The following ARHGEF4 variants were observed in gnomAD, a reference collection of about 807,000 sequenced individuals.
The protein encoded by ARHGEF4 is APC-stimulated guanine nucleotide exchange factor 1.
In ARHGEF4, 119 loss-of-function variants were observed where a neutral mutation model predicts 162.0. That is an observed-to-expected ratio of 0.73 (90% CI 0.63 to 0.86). The LOEUF is 0.86. Ranked by LOEUF, ARHGEF4 falls within the 40% of genes least tolerant of loss-of-function variation. ARHGEF4 has a pLI of 0.00. For missense variants in ARHGEF4, 2,488 were observed against 2,456.0 expected (o/e 1.01, Z -0.28); for synonymous variants, 1,014 against 979.9 (o/e 1.03, Z -0.65).
Position 130,914,645 on chromosome 2 carries a change from G to A in ARHGEF4, c.699G>A (p.Trp233Ter). Residue 233 changes from tryptophan (W) to a stop codon, truncating the protein, a stop_gained, in exon 2 of 14, where the codon TGG (tryptophan) becomes TGA (stop). Coordinates refer to ENST00000409359, the MANE Select transcript of ARHGEF4 (RefSeq NM_001367493.1). LOFTEE classifies it high-confidence loss of function. The part of the protein sequence containing the change: ...GIPVVWPFLL[W>*]CCELGRSWPH... ...CAGTGGTCTGGCCCTTCCTTCTCTGGTGCTGTGAACTGGGTCGGAGTTGGC... is the reference window on the plus strand; with the variant it reads ...CAGTGGTCTGGCCCTTCCTTCTCTGATGCTGTGAACTGGGTCGGAGTTGGC... 1 of 1,386,946 alleles carries A rather than the reference G, an allele frequency of 7.2e-7. No homozygotes were observed. Among genetic ancestry groups the A allele is most frequent in the African/African-American group, 1.4e-5 (1 of 69,088 alleles). 85.9% of individuals were successfully genotyped at this position (1,386,946 alleles called of 1,614,324 possible). A position where few individuals can be genotyped will look rare whatever the true frequency, so the allele number is the denominator to read the frequency against.
intron 4 of ARHGEF4, among the ~76,000 whole-genome samples, chr2:131,003,148 C>T (rs1391918649): frequency 1.3e-5 from 2 of 152,096 alleles, no homozygotes; most frequent in South Asian, 2.1e-4. Flanking sequence ...GCTGTTCTAC[C>T]TCAGGCATCA....
At chr2:130,975,915 G>A (rs1036378474) in intron 4 of ARHGEF4, among the ~76,000 whole-genome samples, 9 of 152,210 alleles carry the variant, frequency 5.9e-5, no homozygotes, top group African/African-American at 2.2e-4. Flanking sequence ...CGGGCGCTCA[G>A]GAGGGTTCCA....
chr2:131,041,090 G>T, intron 8 of ARHGEF4, 140 bp from the exon 9 acceptor site: 2 of 701,714 alleles, frequency 2.9e-6, no homozygotes, highest in Non-Finnish European at 4.8e-6. Context: ...AGGGAAATAG[G>T]TACACACAGC....
chr2:131,041,951 G>T lies in ARHGEF4; in HGVS notation c.5025+7G>T. ...CTCCATAGAGGACTGGGAGGTGAGG[G>T]CCTGGGGGCACAGAAAATTCCAGGA... On this transcript the variant is annotated splice_region_variant and intron_variant, in intron 10 of 13. Coordinates refer to ENST00000409359, the MANE Select transcript of ARHGEF4 (RefSeq NM_001367493.1). 6.2e-7 allele frequency: 1 copy of T among 1,609,404 alleles called. No homozygotes were observed. Among genetic ancestry groups the T allele is most frequent in the Non-Finnish European group, 8.5e-7 (1 of 1,177,852 alleles).
chr2:130,911,095 CCAA>C (rs1216278043), intron 1 of ARHGEF4, among the ~76,000 whole-genome samples: 2 of 152,106 alleles, frequency 1.3e-5, no homozygotes, highest in Non-Finnish European at 2.9e-5. Context: ...AAGGTTTCGG[CCAA>C]CGTCGGGGCA....
chr2:130,903,566 T>C (rs1278436308), intron 1 of ARHGEF4, among the ~76,000 whole-genome samples: 1 of 152,202 alleles, frequency 6.6e-6, no homozygotes, highest in Non-Finnish European at 1.5e-5. Context: ...CTGACATTTT[T>C]TTAAGATCCA....
Position 130,917,062 on chromosome 2 carries a change from G to A in ARHGEF4, c.3116G>A (p.Gly1039Asp). The change falls in exon 2 of 14, where the codon GGT becomes GAT. Residue 1039 changes from glycine (G) to aspartate (D), a missense_variant. Around this residue, in one of 6 missense-constraint regions of ARHGEF4, gnomAD observed 1,642 missense variants for 1,481.5 expected, o/e 1.11. Transcript: ENST00000409359. The part of the protein sequence containing the change: ...TIKCTATQEG[G>D]RYLPSGIFPE... ...AAGTGCACAGCCACCCAGGAAGGCG[G>A]TAGGTACCTACCTTCAGGTATCTTT... 6.4e-7 allele frequency: 1 copy of A among 1,550,820 alleles called. No individual in the cohort carries two copies. Among genetic ancestry groups the A allele is most frequent in the Non-Finnish European group, 8.7e-7 (1 of 1,147,044 alleles).
intron 1 of ARHGEF4, among the ~76,000 whole-genome samples, chr2:130,873,347 G>A (rs1391242706): frequency 6.6e-6 from 1 of 152,192 alleles, no homozygotes; most frequent in Non-Finnish European, 1.5e-5. Flanking sequence ...CTAGCACTTT[G>A]GGAGGCCGAG....
intron 4 of ARHGEF4, among the ~76,000 whole-genome samples, chr2:130,986,011 T>A (rs2105266116): frequency 6.6e-6 from 1 of 151,832 alleles, no homozygotes; most frequent in Middle Eastern, 3.4e-3. Flanking sequence ...ACATGTATGA[T>A]GTGTGTTGTG....
intron 4 of ARHGEF4, among the ~76,000 whole-genome samples, chr2:130,975,937 C>A (rs1159350164): frequency 6.6e-6 from 1 of 152,180 alleles, no homozygotes; most frequent in Non-Finnish European, 1.5e-5. Flanking sequence ...TCCATTCTCA[C>A]TGCAGTTGTT....
At chr2:131,026,050 T>C (rs1689457568) in intron 4 of ARHGEF4, among the ~76,000 whole-genome samples, 1 of 152,182 alleles carries the variant, frequency 6.6e-6, no homozygotes, top group Non-Finnish European at 1.5e-5. Context: ...TTGTGCCTCC[T>C]GCAAGAAGAG....
In ARHGEF4 at chr2:130,916,124, G is replaced by A. The variant is rs1030084243; in HGVS notation, c.2178G>A (p.Thr726=). 1.6e-5 allele frequency: 25 copies of A among 1,549,626 alleles called. No homozygotes were observed. In the East Asian group the frequency reaches 3.4e-4, roughly 21 times the overall value. Residue 726 remains threonine (T), a synonymous_variant, in exon 2 of 14, where the codon ACG becomes ACA. Coordinates refer to ENST00000409359, the MANE Select transcript of ARHGEF4 (RefSeq NM_001367493.1). ...TCCCCCAAGCTGCTTCGGAAGAGAC[G>A]CCGAGCACAGAGGAGCCCCCGGGAG... ...VLVPQAASEE[T]PSTEEPPGER... is the part of the protein sequence containing the mutation.
intron 1 of ARHGEF4, among the ~76,000 whole-genome samples, chr2:130,903,346 C>T (rs1237341212): frequency 6.6e-6 from 1 of 151,810 alleles, no homozygotes; most frequent in Admixed American, 6.6e-5. Context: ...GAAACCTCTC[C>T]CTCCCGGGGT....
intron 4 of ARHGEF4, among the ~76,000 whole-genome samples, chr2:130,991,521 G>A (rs966811366): frequency 2.3e-4 from 35 of 152,294 alleles, no homozygotes; most frequent in African/African-American, 8.2e-4. Context: ...CGTGGGCTTG[G>A]CGGGCCCGGC....
chr2:130,928,142 A>G (rs1682407588), intron 2 of ARHGEF4, among the ~76,000 whole-genome samples: 1 of 152,188 alleles, frequency 6.6e-6, no homozygotes, highest in East Asian at 1.9e-4. Flanking sequence ...AAGACACCAA[A>G]TATCTGTTTA....
At chr2:130,986,134 ATTG>A (rs1218029245) in intron 4 of ARHGEF4, among the ~76,000 whole-genome samples, 10 of 147,038 alleles carry the variant, frequency 6.8e-5, no homozygotes, top group East Asian at 4.1e-4. Context: ...GCATGTGTAT[ATTG>A]TTTGTGTGCA....
intron 1 of ARHGEF4, among the ~76,000 whole-genome samples, chr2:130,907,988 C>T (rs1207765088): frequency 1.3e-5 from 2 of 151,722 alleles, no homozygotes; most frequent in African/African-American, 4.8e-5. Context: ...TACTGGCTTT[C>T]GTGTGAGTAT....
intron 1 of ARHGEF4, among the ~76,000 whole-genome samples, chr2:130,841,113 G>A (rs1680573188): frequency 6.6e-6 from 1 of 152,166 alleles, no homozygotes; most frequent in Non-Finnish European, 1.5e-5. Flanking sequence ...CACCCAGGCT[G>A]GAATGCAGTG....
At chr2:131,017,561 T>C (rs993260532) in intron 4 of ARHGEF4, among the ~76,000 whole-genome samples, 2 of 152,176 alleles carry the variant, frequency 1.3e-5, no homozygotes, top group African/African-American at 4.8e-5. Flanking sequence ...CAGCTGGGAC[T>C]ACTGAAAAGC....
Sources: allele counts gnomAD v4.1 joint callset (sites outside exome capture counted in the v4.1 genomes callset), GRCh38; gene constraint gnomAD v4.1.1; regional missense constraint gnomAD v4.1.1; transcripts MANE v1.5; gene names NCBI Gene and HGNC (gene_info 2026-07-23, HGNC 2026-07-21).